The following NAV3 variants were observed in gnomAD, a reference collection of about 807,000 sequenced individuals.
The protein encoded by NAV3 is neuron navigator 3.
In NAV3, 87 loss-of-function variants were observed where a neutral mutation model predicts 244.7. The observed-to-expected ratio is 0.36, with a 90% CI of 0.30 to 0.42. The LOEUF is 0.42. Ranked by LOEUF, NAV3 falls within the 20% of genes least tolerant of loss-of-function variation. The pLI is 1.00. For missense variants in NAV3, 2,663 were observed against 2,893.3 expected (o/e 0.92, Z 1.83); for synonymous variants, 1,126 against 1,042.2 (o/e 1.08, Z -1.55).
At chr12:77,669,350 T>C (rs1195238659) in intron 2 of NAV3, among the ~76,000 whole-genome samples, 1 of 152,072 alleles carries the variant, frequency 6.6e-6, no homozygotes, top group African/African-American at 2.4e-5. Flanking sequence ...ACCTCACATC[T>C]CCATACTAAC....
chr12:77,794,810 G>A lies in NAV3; in HGVS notation c.73-145509G>A, dbSNP rs78128259. ...TATCTTTTGATGTTATGTTGTAATTGTTTTGGGGCAGCACAAATCGTGCTC... is the reference window on the plus strand; with the variant it reads ...TATCTTTTGATGTTATGTTGTAATTATTTTGGGGCAGCACAAATCGTGCTC... On this transcript the variant is annotated intron_variant, in intron 2 of 8. Coordinates refer to the NAV3 transcript ENST00000550042. 4.6e-3 allele frequency among the ~76,000 whole-genome samples: 700 copies of A among 152,230 alleles called. 8 individuals carry two copies. The highest frequency in any genetic ancestry group is 0.015 in the African/African-American group (637 of 41,556).
At chr12:77,627,289 A>G (rs923846588) in intron 2 of NAV3, among the ~76,000 whole-genome samples, 7 of 152,202 alleles carry the variant, frequency 4.6e-5, no homozygotes, top group Non-Finnish European at 7.4e-5. Flanking sequence ...ATGAACACAT[A>G]TGTCCCACTA....
chr12:77,673,198 T>C lies in NAV3; in HGVS notation c.72+100932T>C, dbSNP rs550421489. On this transcript the variant is annotated intron_variant, in intron 2 of 8. Coordinates refer to the NAV3 transcript ENST00000550042. ...TTGCTCATCTTTTTTTGCTGAGTGTTTCTCTCAAAACTCCATTAACAATGA... is the reference window on the plus strand; with the variant it reads ...TTGCTCATCTTTTTTTGCTGAGTGTCTCTCTCAAAACTCCATTAACAATGA... Among the ~76,000 whole-genome samples the C allele has an allele frequency of 1.5e-4, 23 of 152,240 alleles. No homozygotes were observed. In the East Asian group the frequency reaches 4.4e-3, roughly 29 times the overall value.
chr12:78,191,602 A>T (rs1958985080), intron 34 of NAV3, among the ~76,000 whole-genome samples: 1 of 152,192 alleles, frequency 6.6e-6, no homozygotes, highest in Non-Finnish European at 1.5e-5. Context: ...ACCTATTCAA[A>T]TGTGGTTGAA....
At chr12:77,762,924 C>T (rs1869557682) in intron 2 of NAV3, among the ~76,000 whole-genome samples, 1 of 152,174 alleles carries the variant, frequency 6.6e-6, no homozygotes, top group South Asian at 2.1e-4. Context: ...TGTTCCTGCA[C>T]ACAATTGTAA....
intron 11 of NAV3, 144 bp downstream of exon 11, chr12:78,051,291 G>A (rs1593397166): frequency 2.4e-6 from 2 of 836,872 alleles, no homozygotes; most frequent in Non-Finnish European, 3.6e-6. Flanking sequence ...GTGTTGAAGG[G>A]CCCTTCCTCT....
chr12:77,592,762 G>A (rs910541995), intron 2 of NAV3, among the ~76,000 whole-genome samples: 2 of 152,118 alleles, frequency 1.3e-5, no homozygotes, highest in African/African-American at 2.4e-5. Flanking sequence ...TCTGGCAGTC[G>A]ATTACCCAGG....
chr12:77,778,363 A>T (rs893447994), intron 2 of NAV3, among the ~76,000 whole-genome samples: 1 of 151,576 alleles, frequency 6.6e-6, no homozygotes, highest in African/African-American at 2.4e-5. Context: ...CTGTAATCCC[A>T]GCACTCTGGG....
At chr12:77,758,186 T>C (rs150923208) in intron 2 of NAV3, among the ~76,000 whole-genome samples, 50 of 152,336 alleles carry the variant, frequency 3.3e-4, no homozygotes, top group African/African-American at 1.1e-3. Context: ...ACTTAAGATA[T>C]AAATCTTTTC....
At chr12:78,075,577 CA>C (rs1273313447) in intron 12 of NAV3, among the ~76,000 whole-genome samples, 1 of 152,054 alleles carries the variant, frequency 6.6e-6, no homozygotes, top group Non-Finnish European at 1.5e-5. Flanking sequence ...ACATCCAATG[CA>C]AAGATGGACT....
chr12:77,803,023 A>G (rs534991958), intron 2 of NAV3, among the ~76,000 whole-genome samples: 21 of 152,288 alleles, frequency 1.4e-4, no homozygotes, highest in African/African-American at 3.8e-4. Context: ...CATCTATTAT[A>G]TGACATTCTA....
At chr12:77,841,671 G>C (rs1875674017) in intron 1 of NAV3, among the ~76,000 whole-genome samples, 1 of 152,150 alleles carries the variant, frequency 6.6e-6, no homozygotes, top group African/African-American at 2.4e-5. Context: ...TCCTATAATG[G>C]CAGAGATGAG....
At chr12:77,803,938 G>A (rs1045294363) in intron 2 of NAV3, among the ~76,000 whole-genome samples, 5 of 152,236 alleles carry the variant, frequency 3.3e-5, no homozygotes, top group African/African-American at 1.2e-4. Context: ...TTAGAGAAGT[G>A]TTTGTTCATA....
Position 77,703,681 on chromosome 12 carries a change from A to C in NAV3, c.72+131415A>C, listed in dbSNP as rs57836834. Among the ~76,000 whole-genome samples the C allele has an allele frequency of 1.1e-3, 164 of 152,302 alleles. 1 individual carries two copies. Among genetic ancestry groups the C allele is most frequent in the African/African-American group, 3.5e-3 (146 of 41,582 alleles). On this transcript the variant is annotated intron_variant, in intron 2 of 8. Transcript: ENST00000550042. ...AATTCCCTCCCAAGGGAACCAGTCCAATTGGCCTGGCCATATGTGCACACC... is the reference window on the plus strand; with the variant it reads ...AATTCCCTCCCAAGGGAACCAGTCCCATTGGCCTGGCCATATGTGCACACC...
In NAV3 at chr12:78,197,235, AT is replaced by A; in HGVS notation, c.6292-6del. Reference sequence around the variant, plus strand: ...TATCACTGACGTATCTGTTTTCTTCATTTTTTAAAAGGAATTGCAACAATAT... The same window carrying A: ...TATCACTGACGTATCTGTTTTCTTCATTTTTAAAAGGAATTGCAACAATAT... On this transcript the variant is annotated splice_polypyrimidine_tract_variant and intron_variant, in intron 34 of 39. Transcript: ENST00000397909. The A allele has an allele frequency of 1.3e-6, 2 of 1,510,954 alleles. No homozygotes were observed. The highest frequency in any genetic ancestry group is 1.4e-5 in the South Asian group (1 of 71,760). 93.6% of individuals were successfully genotyped at this position (1,510,954 alleles called of 1,614,324 possible). A position where few individuals can be genotyped will look rare whatever the true frequency, so the allele number is the denominator to read the frequency against.
intron 2 of NAV3, among the ~76,000 whole-genome samples, chr12:77,598,729 C>T (rs1870286831): frequency 1.3e-5 from 2 of 151,912 alleles, no homozygotes; most frequent in Non-Finnish European, 1.5e-5. Context: ...AAGTGACTTA[C>T]AAGAGTAGTG....
At chr12:77,917,614 C>A (rs1300132692) in intron 1 of NAV3, among the ~76,000 whole-genome samples, 1 of 151,948 alleles carries the variant, frequency 6.6e-6, no homozygotes, top group Admixed American at 6.6e-5. Context: ...TCCTTGCATT[C>A]ACCGACCTTC....
At chr12:77,917,400 A>G (rs541138030) in intron 1 of NAV3, among the ~76,000 whole-genome samples, 1 of 152,124 alleles carries the variant, frequency 6.6e-6, no homozygotes, top group African/African-American at 2.4e-5. Context: ...CCTTTTCAGA[A>G]CTTTTAAAAA....
At chr12:78,105,895 T>G (rs1455048748) in intron 12 of NAV3, among the ~76,000 whole-genome samples, 1 of 151,576 alleles carries the variant, frequency 6.6e-6, no homozygotes, top group African/African-American at 2.4e-5. Context: ...TAATTTTATA[T>G]TTTATGATAT....
Sources: allele counts gnomAD v4.1 joint callset (sites outside exome capture counted in the v4.1 genomes callset), GRCh38; gene constraint gnomAD v4.1.1; transcripts MANE v1.5; gene names NCBI Gene and HGNC (gene_info 2026-07-23, HGNC 2026-07-21).